Variants in TMCO1 observed in about 807,000 individuals in gnomAD.
TMCO1 encodes transmembrane and coiled-coil domains 1.
A neutral mutation model predicts 29.3 loss-of-function variants in TMCO1; 29 were observed. The ratio of observed to expected loss-of-function variants is 0.99; its 90% confidence interval spans 0.74 to 1.35. TMCO1 has a LOEUF of 1.35. Ranked by LOEUF, TMCO1 falls within the 40% of genes most tolerant of loss-of-function variation. The pLI is 0.00. For missense variants in TMCO1, 173 were observed against 225.5 expected, an observed-to-expected ratio of 0.77 and a Z score of 1.49; for synonymous variants, 80 against 77.1, an observed-to-expected ratio of 1.04 and a Z score of -0.20.
intron 4 of TMCO1, among the ~76,000 whole-genome samples, chr1:165,754,004 T>A (rs1027691386): frequency 6.6e-6 from 1 of 152,200 alleles, no homozygotes; most frequent in South Asian, 2.1e-4. Context: ...GGACAAATTA[T>A]GACCTCTGAG....
intron 4 of TMCO1, among the ~76,000 whole-genome samples, chr1:165,753,738 G>A (rs750270715): frequency 3.3e-5 from 5 of 152,126 alleles, no homozygotes; most frequent in Non-Finnish European, 5.9e-5. Flanking sequence ...TAGAGCCCAA[G>A]AATTCACAGT....
chr1:165,739,833 G>A (rs564990717), intron 6 of TMCO1, among the ~76,000 whole-genome samples: 16 of 152,022 alleles, frequency 1.1e-4, no homozygotes, highest in Admixed American at 7.2e-4. Flanking sequence ...GAATGGGGCC[G>A]GGCACAGTGG....
chr1:165,724,368 T>C (rs775909409), downstream of TMCO1: 4 of 454,072 alleles, frequency 8.8e-6, no homozygotes, highest in South Asian at 3.1e-5. Context: ...ACCAATAGTA[T>C]GAAAAAACCA....
intron 2 of TMCO1, among the ~76,000 whole-genome samples, chr1:165,760,011 GA>G (rs953225173): frequency 6.7e-5 from 10 of 149,962 alleles, no homozygotes; most frequent in Non-Finnish European, 1.2e-4. Context: ...CTAAGCAGAT[GA>G]AAAAAAAATG....
rs779234269 is a variant in TMCO1, at chr1:165,743,126, A to C, written c.468+41T>G. On this transcript the variant is annotated intron_variant, in intron 6 of 6. Transcript: ENST00000367881. ...GTAAAAGCTAATTGGTATGACAGCA[A>C]GGAAAAATATACATATTAAATGGTA... The C allele has an allele frequency of 1.9e-6, 3 of 1,611,410 alleles. No individual in the cohort carries two copies. In the South Asian group the frequency reaches 3.3e-5, roughly 18 times the overall value.
chr1:165,768,827 G>A lies in TMCO1; in HGVS notation c.-76C>T, dbSNP rs566687101. The A allele has an allele frequency of 6.2e-7, 1 of 1,602,546 alleles. No homozygotes were observed. Among genetic ancestry groups the A allele is most frequent in the Non-Finnish European group, 8.5e-7 (1 of 1,174,182 alleles). ...AGCCAGGAAAAGTGAAGCGAAAACG[G>A]CTTCCGTAGACTCCGCCACCACCGA... On this transcript the variant is annotated 5_prime_UTR_variant, in exon 1 of 7. Transcript: ENST00000367881.
At chr1:165,758,150 C>A (rs914947106) in intron 3 of TMCO1, among the ~76,000 whole-genome samples, 13 of 152,128 alleles carry the variant, frequency 8.5e-5, no homozygotes, top group African/African-American at 2.4e-4. Flanking sequence ...TCATCAGGCC[C>A]TTCCTCCTCC....
chr1:165,741,936 A>G (rs1294353267), intron 6 of TMCO1, among the ~76,000 whole-genome samples: 1 of 152,216 alleles, frequency 6.6e-6, no homozygotes, highest in Admixed American at 6.5e-5. Context: ...AGCAGATGCT[A>G]GCATCATGCT....
At chr1:165,765,287 T>C (rs1455319644) in intron 2 of TMCO1, among the ~76,000 whole-genome samples, 2 of 152,186 alleles carry the variant, frequency 1.3e-5, no homozygotes, top group African/African-American at 4.8e-5. Context: ...TTTTATTTTA[T>C]TTTTATTTTT....
chr1:165,761,378 T>C (rs1184509688), intron 2 of TMCO1, among the ~76,000 whole-genome samples: 1 of 151,540 alleles, frequency 6.6e-6, no homozygotes, highest in Non-Finnish European at 1.5e-5. Context: ...CTATAAAAAA[T>C]TGAAAAATTA....
At chr1:165,745,772 A>T (rs2101800922) in intron 5 of TMCO1, among the ~76,000 whole-genome samples, 1 of 152,354 alleles carries the variant, frequency 6.6e-6, no homozygotes, top group African/African-American at 2.4e-5. Flanking sequence ...ATAGATGTAC[A>T]GCCTTTAACT....
chr1:165,755,995 G>T (rs1168160122), intron 3 of TMCO1, among the ~76,000 whole-genome samples: 1 of 150,790 alleles, frequency 6.6e-6, no homozygotes. Flanking sequence ...GTTATAATAT[G>T]GTACTGGCTC....
intron 6 of TMCO1, among the ~76,000 whole-genome samples, chr1:165,732,921 A>C (rs1651229018): frequency 6.6e-6 from 1 of 152,196 alleles, no homozygotes; most frequent in South Asian, 2.1e-4. Context: ...CTTTTAAAAT[A>C]AAGAAAAATA....
At chr1:165,742,855 A>G (rs984608628) in intron 6 of TMCO1, among the ~76,000 whole-genome samples, 1 of 152,202 alleles carries the variant, frequency 6.6e-6, no homozygotes, top group Admixed American at 6.5e-5. Context: ...AAGAAATGGT[A>G]CTGGGAAGAC....
At chr1:165,750,547 A>AG (rs1190980675) in intron 5 of TMCO1, among the ~76,000 whole-genome samples, 1 of 150,012 alleles carries the variant, frequency 6.7e-6, no homozygotes, top group African/African-American at 2.5e-5. Context: ...GTCTCAAAAA[A>AG]AAAAAGAAAA....
downstream of TMCO1, chr1:165,726,219 T>C (rs746101466): frequency 2.9e-6 from 2 of 699,798 alleles, no homozygotes; most frequent in South Asian, 3.0e-5. Flanking sequence ...GAAAAGACCA[T>C]TAAAAGTCAT....
rs188054677 is a variant in TMCO1 at position 165,760,012 on chromosome 1, A to G, written c.149-428T>C. Among the ~76,000 whole-genome samples, 152 of 151,296 alleles carry G rather than the reference A, an allele frequency of 1.0e-3. 1 individual carries two copies. Among genetic ancestry groups the G allele is most frequent in the African/African-American group, 3.6e-3 (148 of 41,314 alleles). On this transcript the variant is annotated intron_variant, in intron 2 of 6. Coordinates refer to ENST00000367881, the MANE Select transcript of TMCO1 (RefSeq NM_019026.6). The stretch of plus-strand genomic sequence containing the variant: ...CTGCCTAAATAACTCTAAGCAGATG[A>G]AAAAAAAATGATCCCTACCTTCTAA...
At chr1:165,764,040 C>T (rs1218788167) in intron 2 of TMCO1, among the ~76,000 whole-genome samples, 5 of 152,152 alleles carry the variant, frequency 3.3e-5, no homozygotes, top group African/African-American at 1.2e-4. Context: ...AGCTCAAAAT[C>T]TATAAGGCAA....
rs181198069 is a variant in TMCO1 at position 165,727,257 on chromosome 1, C to G, written c.*766G>C. ...AGACTGTAATAGGATATGAAGAGAA[C>G]AGCTGAGGACCCTCATTTTTATTTA... On this transcript the variant is annotated 3_prime_UTR_variant, in exon 7 of 7. Transcript: ENST00000367881. The G allele has an allele frequency of 2.2e-6, 1 of 447,432 alleles. No homozygotes were observed. Among genetic ancestry groups the G allele is most frequent in the Non-Finnish European group, 4.4e-6 (1 of 224,982 alleles). The allele number at this position is 447,432 out of a possible 1,614,324, so 27.7% of individuals were successfully genotyped here. A position where few individuals can be genotyped will look rare whatever the true frequency, so the allele number is the denominator to read the frequency against.
Sources: gnomAD v4.1 joint callset for allele counts (sites outside exome capture counted in the v4.1 genomes callset) on GRCh38, gnomAD v4.1.1 for gene constraint, MANE v1.5 for transcripts, NCBI Gene and HGNC (gene_info 2026-07-23, HGNC 2026-07-21) for gene names.